The following ASTN2 variants were observed in gnomAD, a reference collection of about 807,000 sequenced individuals.
ASTN2 encodes astrotactin 2, also known as astrotactin-2.
In ASTN2, 54 loss-of-function variants were observed where a neutral mutation model predicts 139.8. The ratio of observed to expected loss-of-function variants is 0.39; its 90% CI spans 0.31 to 0.48. The LOEUF (loss-of-function observed/expected upper bound fraction) is 0.48. Among genes scored for constraint, ASTN2 ranks in the 20% least tolerant of loss-of-function variants. ASTN2 has a pLI of 0.95. For missense variants in ASTN2, 1,565 were observed against 1,725.1 expected (o/e 0.91, Z 1.64); for synonymous variants, 756 against 719.5 (o/e 1.05, Z -0.81).
At chr9:116,973,744 G>T (rs569038121) in intron 10 of ASTN2, among the ~76,000 whole-genome samples, 2 of 152,272 alleles carry the variant, frequency 1.3e-5, no homozygotes, top group African/African-American at 4.8e-5. Flanking sequence ...GAAAACAATG[G>T]TAAATATCGA....
At chr9:117,367,841 C>G (rs1305134650) in intron 1 of ASTN2, among the ~76,000 whole-genome samples, 1 of 152,094 alleles carries the variant, frequency 6.6e-6, no homozygotes, top group Non-Finnish European at 1.5e-5. Context: ...TCATAGAAAC[C>G]TGGAGGAAGG....
At chr9:116,481,207 C>T (rs1300162146) in intron 20 of ASTN2, among the ~76,000 whole-genome samples, 1 of 152,026 alleles carries the variant, frequency 6.6e-6, no homozygotes, top group African/African-American at 2.4e-5. Flanking sequence ...TGGCAAAATC[C>T]CGTCTCTACA....
intron 13 of ASTN2, among the ~76,000 whole-genome samples, chr9:116,792,717 C>T (rs183635289): frequency 1.0e-3 from 156 of 152,244 alleles, no homozygotes; most frequent in African/African-American, 3.7e-3. Flanking sequence ...GAGGATTATA[C>T]GCAGAAGACT....
At chr9:116,755,338 A>C (rs1212048327) in intron 13 of ASTN2, among the ~76,000 whole-genome samples, 1 of 152,174 alleles carries the variant, frequency 6.6e-6, no homozygotes, top group East Asian at 1.9e-4. Context: ...GTCTGTATTC[A>C]GACATAGGGC....
chr9:116,905,501 AG>A (rs1488835788), intron 10 of ASTN2, among the ~76,000 whole-genome samples: 1 of 152,178 alleles, frequency 6.6e-6, no homozygotes, highest in African/African-American at 2.4e-5. Flanking sequence ...GGACACAGGC[AG>A]GAAAGACCAG....
chr9:117,143,794 AAGAG>A lies in ASTN2; in HGVS notation c.1016-2320_1016-2317del, dbSNP rs546547288. Reference sequence around the variant, plus strand: ...TCCTCACTCGGTGGGGGAGCAGGGAAAGAGAGAGAGAAAGAGAGAGAGAAAAAAA... The same window carrying A: ...TCCTCACTCGGTGGGGGAGCAGGGAAAGAGAGAAAGAGAGAGAGAAAAAAA... On this transcript the variant is annotated intron_variant, in intron 3 of 22. Transcript: ENST00000313400. Among the ~76,000 whole-genome samples the A allele has an allele frequency of 2.0e-5, 3 of 150,010 alleles. No homozygotes were observed. In the South Asian group the frequency reaches 6.3e-4, roughly 32 times the overall value.
chr9:117,257,465 T>C (rs528776014), intron 2 of ASTN2, among the ~76,000 whole-genome samples: 21 of 152,330 alleles, frequency 1.4e-4, no homozygotes, highest in African/African-American at 4.6e-4. Flanking sequence ...AAGATTGCCC[T>C]GTGAAGTGGT....
chr9:116,968,152 G>A (rs374231309), intron 10 of ASTN2, among the ~76,000 whole-genome samples: 20 of 152,282 alleles, frequency 1.3e-4, no homozygotes, highest in African/African-American at 1.9e-4. Flanking sequence ...ATTGAGGCTC[G>A]AAGAGGTGAA....
intron 5 of ASTN2, among the ~76,000 whole-genome samples, chr9:117,067,569 T>C (rs1827989685): frequency 6.9e-6 from 1 of 144,736 alleles, no homozygotes; most frequent in Non-Finnish European, 1.5e-5. Flanking sequence ...TTGATGGGGA[T>C]GGCATTGAAT....
At position 117,275,450 on chromosome 9, in the gene ASTN2, T is replaced by C. The variant is rs546510008; in HGVS notation, c.630+15876A>G. 2.0e-5 allele frequency among the ~76,000 whole-genome samples: 3 copies of C among 152,220 alleles called. No homozygotes were observed. In the East Asian group the frequency reaches 5.8e-4, roughly 29 times the overall value. The stretch of plus-strand genomic sequence containing the variant: ...GTCTAACATCGAGGCACCAGCAGGA[T>C]TGGTTTCTGGTAAGGCTTCTGCTGG... On this transcript the variant is annotated intron_variant, in intron 2 of 22. Transcript: ENST00000313400.
chr9:116,946,752 T>C (rs1444527573), intron 10 of ASTN2, among the ~76,000 whole-genome samples: 2 of 151,944 alleles, frequency 1.3e-5, no homozygotes, highest in African/African-American at 4.8e-5. Flanking sequence ...GTGGGAAGGA[T>C]GCAGGGCAGG....
chr9:117,263,760 T>G (rs949333391), intron 2 of ASTN2, among the ~76,000 whole-genome samples: 2 of 152,216 alleles, frequency 1.3e-5, no homozygotes, highest in Non-Finnish European at 2.9e-5. Context: ...CTGGACACAC[T>G]TGATGTTCAC....
At chr9:117,190,365 AGTACAATCT>A (rs1317350969) in intron 3 of ASTN2, among the ~76,000 whole-genome samples, 1 of 152,188 alleles carries the variant, frequency 6.6e-6, no homozygotes, top group Non-Finnish European at 1.5e-5. Flanking sequence ...GAGTTTCCAT[AGTACAATCT>A]CTATTCTCTG....
chr9:117,050,997 C>G (rs1235627388), intron 5 of ASTN2, among the ~76,000 whole-genome samples: 1 of 152,174 alleles, frequency 6.6e-6, no homozygotes, highest in Non-Finnish European at 1.5e-5. Context: ...AGAGAACTCC[C>G]ATCTCATAGA....
intron 16 of ASTN2, among the ~76,000 whole-genome samples, chr9:116,664,782 G>A (rs1858765323): frequency 1.3e-5 from 2 of 152,132 alleles, no homozygotes; most frequent in South Asian, 4.2e-4. Flanking sequence ...ACAGTTTAGT[G>A]AGGAATATTC....
intron 3 of ASTN2, among the ~76,000 whole-genome samples, chr9:117,203,787 C>T (rs983234595): frequency 6.6e-6 from 1 of 152,132 alleles, no homozygotes; most frequent in African/African-American, 2.4e-5. Context: ...TAGGTTCGCT[C>T]CTGCATAGGG....
chr9:116,498,837 C>T (rs1237930203), intron 19 of ASTN2, among the ~76,000 whole-genome samples: 1 of 152,152 alleles, frequency 6.6e-6, no homozygotes, highest in African/African-American at 2.4e-5. Flanking sequence ...AGTGAAGGAT[C>T]TTTAATAACC....
At chr9:116,768,569 T>C (rs1424374029) in intron 13 of ASTN2, among the ~76,000 whole-genome samples, 1 of 152,232 alleles carries the variant, frequency 6.6e-6, no homozygotes, top group East Asian at 1.9e-4. Flanking sequence ...CTGTCCCTGA[T>C]GAATTAATCT....
At chr9:116,518,849 G>A (rs1313009254) in intron 19 of ASTN2, among the ~76,000 whole-genome samples, 1 of 126,984 alleles carries the variant, frequency 7.9e-6, no homozygotes, top group Non-Finnish European at 1.7e-5. Flanking sequence ...GCAAGTAGGA[G>A]TAGCTATTCC....
Sources: gnomAD v4.1 joint callset for allele counts (sites outside exome capture counted in the v4.1 genomes callset) on GRCh38, gnomAD v4.1.1 for gene constraint, MANE v1.5 for transcripts, NCBI Gene and HGNC (gene_info 2026-07-23, HGNC 2026-07-21) for gene names.